The following HECTD4 variants were observed in gnomAD, a reference collection of about 807,000 sequenced individuals.
HECTD4 encodes HECT domain E3 ubiquitin protein ligase 4.
In HECTD4, 114 loss-of-function variants were observed where a neutral mutation model predicts 471.5. That is an observed-to-expected ratio of 0.24 (90% CI 0.21 to 0.28). The LOEUF (loss-of-function observed/expected upper bound fraction) is 0.28, where lower values mean the gene tolerates loss of function less well. HECTD4 is among the 10% of genes least tolerant of loss of function. The pLI, the probability that HECTD4 is intolerant of heterozygous loss-of-function variation, is 1.00. For missense variants in HECTD4, 3,866 were observed against 5,651.5 expected (o/e 0.68, Z 10.13); for synonymous variants, 2,012 against 2,256.0 (o/e 0.89, Z 3.07).
chr12:112,352,335 C>CTTT (rs1183472420), intron 1 of HECTD4, among the ~76,000 whole-genome samples: 3 of 136,688 alleles, frequency 2.2e-5, no homozygotes, highest in East Asian at 4.3e-4. Flanking sequence ...GATGGAGCAT[C>CTTT]TTTTTTTTTT....
chr12:112,259,692 G>C (rs2135598830), intron 18 of HECTD4, among the ~76,000 whole-genome samples: 1 of 152,012 alleles, frequency 6.6e-6, no homozygotes, highest in South Asian at 2.1e-4. Flanking sequence ...TAGGTTCTAG[G>C]TTGCTACATG....
At position 112,184,143 on chromosome 12, in the gene HECTD4, A is replaced by T; in HGVS notation, c.10779+44T>A. On this transcript the variant is annotated intron_variant, in intron 61 of 75. Coordinates refer to ENST00000682272, the MANE Select transcript of HECTD4 (RefSeq NM_001388303.1). This position sits in a 1 kb window ranked among gnomAD's most constrained non-coding sequence, Gnocchi z 9.1. ...GATTTAAAGAGGCTTGGGGGATTGA[A>T]ATGGGTCATGATTTAGTGGTTGCAG... 6.6e-7 allele frequency: 1 copy of T among 1,507,342 alleles called. No homozygotes were observed. Among genetic ancestry groups the T allele is most frequent in the Non-Finnish European group, 9.1e-7 (1 of 1,103,144 alleles). The allele number at this position is 1,507,342 out of a possible 1,614,324, so 93.4% of individuals were successfully genotyped here.
intron 53 of HECTD4, 96 bp downstream of exon 53, chr12:112,204,390 C>G (rs940183508): frequency 1.5e-5 from 18 of 1,215,222 alleles, no homozygotes; most frequent in Non-Finnish European, 1.9e-5. Context: ...GGAGAGTCAC[C>G]CTAGGAGAAC....
At chr12:112,379,465 A>C (rs2036848503) in intron 1 of HECTD4, among the ~76,000 whole-genome samples, 1 of 152,328 alleles carries the variant, frequency 6.6e-6, no homozygotes, top group Middle Eastern at 3.4e-3. Context: ...AGGCCAAGGC[A>C]GGCGGATCAC....
At chr12:112,374,927 G>A (rs551292755) in intron 1 of HECTD4, among the ~76,000 whole-genome samples, 42 of 152,240 alleles carry the variant, frequency 2.8e-4, no homozygotes, top group Admixed American at 7.9e-4. Context: ...TATAATTGGC[G>A]TACAGTAAAC....
chr12:112,303,724 G>C (rs906015832), intron 7 of HECTD4, among the ~76,000 whole-genome samples: 1 of 151,680 alleles, frequency 6.6e-6, no homozygotes, highest in Admixed American at 6.6e-5. Flanking sequence ...GGTCATGCAC[G>C]CCTAAGTCCC....
intron 1 of HECTD4, among the ~76,000 whole-genome samples, chr12:112,365,102 T>C (rs2036533078): frequency 1.3e-5 from 2 of 152,190 alleles, no homozygotes; most frequent in African/African-American, 4.8e-5. Context: ...CTAACAGAAA[T>C]ACATAAAACA....
At chr12:112,249,761 G>T in intron 25 of HECTD4, 1 of 241,682 alleles carries the variant, frequency 4.1e-6, no homozygotes. Context: ...GGAAAGTAAA[G>T]TAGAGGCTGA....
At chr12:112,304,792 T>G (rs1287788731) in intron 7 of HECTD4, among the ~76,000 whole-genome samples, 1 of 152,152 alleles carries the variant, frequency 6.6e-6, no homozygotes, top group Admixed American at 6.5e-5. Flanking sequence ...TAGAGGACAC[T>G]GTGAGATTCA....
chr12:112,285,164 C>G (rs929239742), intron 7 of HECTD4, among the ~76,000 whole-genome samples: 9 of 152,254 alleles, frequency 5.9e-5, no homozygotes, highest in Non-Finnish European at 1.2e-4. Context: ...AACATGAACA[C>G]TTACCTCTGT....
At chr12:112,234,535 T>TACA (rs1566082085) in intron 37 of HECTD4, among the ~76,000 whole-genome samples, 1 of 152,220 alleles carries the variant, frequency 6.6e-6, no homozygotes, top group Non-Finnish European at 1.5e-5. Flanking sequence ...CCTGTTGCCC[T>TACA]GGATCCCACT....
chr12:112,172,822 T>G lies in HECTD4; in HGVS notation c.11634A>C (p.Ser3878=), dbSNP rs776731880. Residue 3878 remains serine (S), a synonymous_variant, in exon 67 of 76, where the codon TCA becomes TCC. Coordinates refer to ENST00000682272, the MANE Select transcript of HECTD4 (RefSeq NM_001388303.1). The stretch of plus-strand genomic sequence containing the variant: ...CGTCCATCTCCAGGGTCCACTTTCT[T>G]GAGGCCTTCTGTGCATGTCGGACAT... ...CIDVRHAQKA[S]RKWTLEMDVA... is the part of the protein sequence containing the mutation. The G allele has an allele frequency of 9.3e-6, 15 of 1,613,894 alleles. No individual in the cohort carries two copies. The highest frequency in any genetic ancestry group is 1.3e-5 in the Non-Finnish European group (15 of 1,179,904).
chr12:112,297,936 A>G (rs528373738), intron 7 of HECTD4, among the ~76,000 whole-genome samples: 1 of 152,306 alleles, frequency 6.6e-6, no homozygotes, highest in Non-Finnish European at 1.5e-5. Flanking sequence ...GATAAGACTC[A>G]GCAGGAACAA....
chr12:112,237,097 A>C lies in HECTD4; in HGVS notation c.5292T>G (p.Gly1764=), dbSNP rs747880096. The change falls in exon 35 of 76, where the codon GGT becomes GGG. Residue 1764 remains glycine (G), a splice_region_variant and synonymous_variant. Transcript: ENST00000682272. ...CTGAGTGCACAGCCTCTGTGGAGCC[A>C]CCTTCACAGTTAAAGAAAGAAAAAA... The part of the protein sequence containing the change: ...NRCVEWEKEE[G]GSTEAVHSGL... 4 of 1,569,492 alleles carry C rather than the reference A, an allele frequency of 2.5e-6. No individual in the cohort carries two copies. In the South Asian group the frequency reaches 3.5e-5, roughly 14 times the overall value.
Position 112,193,540 on chromosome 12 carries a change from T to C in HECTD4, c.8884A>G (p.Ile2962Val), listed in dbSNP as rs1249584368. 1.2e-6 allele frequency: 2 copies of C among 1,612,740 alleles called. No individual in the cohort carries two copies. The highest frequency in any genetic ancestry group is 1.7e-6 in the Non-Finnish European group (2 of 1,179,456). ...TCGCCCTGGTGCAGGGTCCGGGTGA[T>C]GGCCACGTTGAGCCACTCTCTCACT... ...QTVREWLNVA[I>V]TRTLHQGEES... The change falls in exon 57 of 76, where the codon ATC becomes GTC. Residue 2962 changes from isoleucine to valine, a missense_variant. Coordinates refer to ENST00000682272, the MANE Select transcript of HECTD4 (RefSeq NM_001388303.1). The surrounding 1 kb of genome is among the most constrained non-coding windows in gnomAD (Gnocchi z 5.2).
chr12:112,251,961 G>A (rs554917410), intron 23 of HECTD4, among the ~76,000 whole-genome samples: 3 of 152,114 alleles, frequency 2.0e-5, no homozygotes, highest in South Asian at 2.1e-4. Flanking sequence ...TAGTAGAGAC[G>A]GGGTTTCACC....
intron 35 of HECTD4, among the ~76,000 whole-genome samples, 154 bp downstream of exon 35, chr12:112,236,791 T>C (rs2033516075): frequency 6.6e-6 from 1 of 152,244 alleles, no homozygotes; most frequent in South Asian, 2.1e-4. Flanking sequence ...TATGTTTCAA[T>C]GACTTTATCC....
intron 66 of HECTD4, among the ~76,000 whole-genome samples, chr12:112,174,360 G>T (rs2031355739): frequency 6.6e-6 from 1 of 151,648 alleles, no homozygotes; most frequent in Non-Finnish European, 1.5e-5. Context: ...TTGCCTCCTG[G>T]GTTCAAGCGA....
At chr12:112,247,174 GA>G in intron 28 of HECTD4, 98 bp from the exon 29 acceptor site, 3 of 996,348 alleles carry the variant, frequency 3.0e-6, no homozygotes, top group Non-Finnish European at 4.5e-6. Context: ...AGACACAGGG[GA>G]AACTAAGCAA....
Sources: gnomAD v4.1 joint callset for allele counts (sites outside exome capture counted in the v4.1 genomes callset) on GRCh38, gnomAD v4.1.1 for gene constraint, Gnocchi (gnomAD v3.1) non-coding constraint, MANE v1.5 for transcripts, NCBI Gene and HGNC (gene_info 2026-07-23, HGNC 2026-07-21) for gene names.